Variants in ZNF354B observed in about 807,000 individuals in gnomAD.
The protein encoded by ZNF354B is zinc finger protein 354B.
A neutral mutation model predicts 12.9 loss-of-function variants in ZNF354B; 10 were observed. The ratio of observed to expected loss-of-function variants is 0.77; its 90% CI spans 0.48 to 1.31. ZNF354B has a LOEUF of 1.31. Ranked by LOEUF, ZNF354B falls within the 40% of genes most tolerant of loss-of-function variation. ZNF354B has a pLI of 0.00. For missense variants in ZNF354B, 614 were observed against 711.7 expected, an observed-to-expected ratio of 0.86 and a Z score of 1.56; for synonymous variants, 260 against 243.7, an observed-to-expected ratio of 1.07 and a Z score of -0.62.
intron 4 of ZNF354B, among the ~76,000 whole-genome samples, chr5:178,875,077 A>G (rs750095856): frequency 6.6e-6 from 1 of 152,154 alleles, no homozygotes; most frequent in South Asian, 2.1e-4. Flanking sequence ...GCTCTTACTC[A>G]GCTATGTGAC....
In ZNF354B at chr5:178,883,133, A is replaced by G; in HGVS notation, c.681A>G (p.Ser227=). The G allele has an allele frequency of 6.2e-7, 1 of 1,612,732 alleles. No homozygotes were observed. The highest frequency in any genetic ancestry group is 8.5e-7 in the Non-Finnish European group (1 of 1,179,676). The change falls in exon 5 of 5, where the codon TCA becomes TCG. Residue 227 remains serine (S), a synonymous_variant. Transcript: ENST00000322434. ...STCEKAFIHN[S]SLRKHQKNHT... ...GTGAAAAAGCCTTCATTCACAATTC[A>G]TCCCTTCGTAAACATCAGAAAAACC...
intron 4 of ZNF354B, among the ~76,000 whole-genome samples, chr5:178,870,433 T>C (rs564576775): frequency 5.9e-5 from 9 of 152,318 alleles, no homozygotes; most frequent in Non-Finnish European, 1.0e-4. Context: ...CACGCCACCA[T>C]GCCGGGCTAA....
intron 3 of ZNF354B, among the ~76,000 whole-genome samples, chr5:178,866,696 ATCC>A (rs1379536041): frequency 6.8e-6 from 1 of 146,630 alleles, no homozygotes; most frequent in Non-Finnish European, 1.5e-5. Context: ...GGCTTACCTC[ATCC>A]TTCTTCATCG....
At chr5:178,880,067 A>G (rs549873901) in intron 4 of ZNF354B, among the ~76,000 whole-genome samples, 148 of 152,304 alleles carry the variant, frequency 9.7e-4, no homozygotes, top group African/African-American at 3.3e-3. Flanking sequence ...TGGAGGTTGC[A>G]GTGAGCTGAG....
chr5:178,862,290 T>C (rs1261444580), intron 2 of ZNF354B, among the ~76,000 whole-genome samples: 1 of 151,842 alleles, frequency 6.6e-6, no homozygotes, highest in Non-Finnish European at 1.5e-5. Context: ...CAGTCGTCCC[T>C]GTGGTGCGTC....
rs768257921 is a variant in ZNF354B, at chr5:178,866,282, C to T, written c.72C>T (p.Thr24=). 3 of 1,614,094 alleles carry T rather than the reference C, an allele frequency of 1.9e-6. No individual in the cohort carries two copies. Among genetic ancestry groups the T allele is most frequent in the Non-Finnish European group, 2.5e-6 (3 of 1,179,992 alleles). ...LTFEDVAVLF[T]WDEWRKLAPS... is the part of the protein sequence containing the mutation. ...TCGAGGACGTGGCTGTGCTCTTTAC[C>T]TGGGATGAGTGGAGAAAGCTGGCTC... The change falls in exon 3 of 5, where the codon ACC becomes ACT. Residue 24 remains threonine (T), a synonymous_variant. Coordinates refer to ENST00000322434, the MANE Select transcript of ZNF354B (RefSeq NM_058230.3).
chr5:178,872,577 T>C (rs1315108206), intron 4 of ZNF354B, among the ~76,000 whole-genome samples: 1 of 152,166 alleles, frequency 6.6e-6, no homozygotes, highest in Non-Finnish European at 1.5e-5. Context: ...TTTTCCAGAG[T>C]GGCTGTGCCA....
chr5:178,876,562 C>T (rs1338605707), intron 4 of ZNF354B, among the ~76,000 whole-genome samples: 1 of 152,222 alleles, frequency 6.6e-6, no homozygotes, highest in Admixed American at 6.5e-5. Flanking sequence ...CCCTTAAGTT[C>T]TGTTCACTTT....
At chr5:178,876,372 G>C (rs1561669784) in intron 4 of ZNF354B, among the ~76,000 whole-genome samples, 1 of 152,232 alleles carries the variant, frequency 6.6e-6, no homozygotes, top group Non-Finnish European at 1.5e-5. Flanking sequence ...CAGAGCCTGA[G>C]GGCAACAGCA....
chr5:178,871,495 C>T (rs916756024), intron 4 of ZNF354B, among the ~76,000 whole-genome samples: 1 of 152,208 alleles, frequency 6.6e-6, no homozygotes, highest in Non-Finnish European at 1.5e-5. Flanking sequence ...CCATGCTTAG[C>T]GCTGTGTAAT....
At position 178,866,230 on chromosome 5, in the gene ZNF354B, A is replaced by G. The variant is rs1581808769; in HGVS notation, c.34-14A>G. ...GGGTGGTCCTGGGTGAGCTGGAACGACTTGTCCTTACAGGTGTCACTGACA... is the reference window on the plus strand; with the variant it reads ...GGGTGGTCCTGGGTGAGCTGGAACGGCTTGTCCTTACAGGTGTCACTGACA... On this transcript the variant is annotated splice_polypyrimidine_tract_variant and intron_variant, in intron 2 of 4. Coordinates refer to ENST00000322434, the MANE Select transcript of ZNF354B (RefSeq NM_058230.3). The G allele has an allele frequency of 4.3e-6, 7 of 1,613,550 alleles. No homozygotes were observed. The Admixed American group carries it at 1.0e-4, about 23-fold the overall frequency.
intron 4 of ZNF354B, among the ~76,000 whole-genome samples, chr5:178,874,670 G>C (rs1057136458): frequency 2.6e-5 from 4 of 152,048 alleles, no homozygotes; most frequent in Non-Finnish European, 5.9e-5. Flanking sequence ...CCTTGGATTG[G>C]GTTTCAACTT....
chr5:178,874,976 TCA>T (rs1187149484), intron 4 of ZNF354B, among the ~76,000 whole-genome samples: 1 of 152,368 alleles, frequency 6.6e-6, no homozygotes, highest in South Asian at 2.1e-4. Context: ...TGTCCTAGTT[TCA>T]CAGAGGGGTA....
At chr5:178,874,205 C>G (rs1447726824) in intron 4 of ZNF354B, among the ~76,000 whole-genome samples, 1 of 152,168 alleles carries the variant, frequency 6.6e-6, no homozygotes, top group African/African-American at 2.4e-5. Flanking sequence ...GATCCACCTG[C>G]CTCGACCTTT....
chr5:178,878,279 A>T (rs1196572797), intron 4 of ZNF354B, among the ~76,000 whole-genome samples: 2 of 151,720 alleles, frequency 1.3e-5, no homozygotes, highest in African/African-American at 4.8e-5. Context: ...GCTACTTGGG[A>T]GGCTGAGGCA....
At chr5:178,873,736 C>G (rs969983346) in intron 4 of ZNF354B, among the ~76,000 whole-genome samples, 1 of 152,088 alleles carries the variant, frequency 6.6e-6, no homozygotes, top group Non-Finnish European at 1.5e-5. Flanking sequence ...GTTTTATCTA[C>G]TGTAGTTCTT....
intron 2 of ZNF354B, among the ~76,000 whole-genome samples, chr5:178,864,160 TACTC>T (rs1191029833): frequency 6.6e-6 from 1 of 152,224 alleles, no homozygotes; most frequent in African/African-American, 2.4e-5. Context: ...ACTCACTGCT[TACTC>T]AGCCAGGCGA....
intron 1 of ZNF354B, among the ~76,000 whole-genome samples, chr5:178,860,331 C>G (rs1757326155): frequency 7.1e-6 from 1 of 141,046 alleles, no homozygotes; most frequent in South Asian, 2.1e-4. Flanking sequence ...TCGCGCCGCC[C>G]GCCGTGAACG....
chr5:178,867,105 C>G, intron 4 of ZNF354B, 34 bp downstream of exon 4: 1 of 1,573,894 alleles, frequency 6.4e-7, no homozygotes, highest in Non-Finnish European at 8.7e-7. Flanking sequence ...CGGGAATGGC[C>G]GCAGACAATG....
Sources: allele counts gnomAD v4.1 joint callset (sites outside exome capture counted in the v4.1 genomes callset), GRCh38; gene constraint gnomAD v4.1.1; transcripts MANE v1.5; gene names NCBI Gene and HGNC (gene_info 2026-07-23, HGNC 2026-07-21).